AFF3: variants seen among roughly 807,000 people sequenced by gnomAD.
AFF3 encodes the protein AF4/FMR2 family member 3.
Under a neutral mutation model 129.7 loss-of-function variants are expected in AFF3, and 32 were observed. That is an observed-to-expected ratio of 0.25 (90% CI 0.19 to 0.33). The LOEUF (loss-of-function observed/expected upper bound fraction) is 0.33. Among genes scored for constraint, AFF3 ranks in the 10% least tolerant of loss-of-function variants. AFF3 has a pLI of 1.00. For synonymous variants in AFF3, 644 were observed against 635.4 expected, an observed-to-expected ratio of 1.01 and a Z score of -0.20; for missense variants, 1,373 against 1,592.0, an observed-to-expected ratio of 0.86 and a Z score of 2.34.
At chr2:100,095,967 A>G (rs1398290299) in intron 4 of AFF3, among the ~76,000 whole-genome samples, 6 of 152,150 alleles carry the variant, frequency 3.9e-5, no homozygotes, top group African/African-American at 1.4e-4. Context: ...TATGGGTTCC[A>G]CGTAGAGTCT....
At position 100,051,094 on chromosome 2, in the gene AFF3, T is replaced by C. The variant is rs374240900; in HGVS notation, c.54-42162A>G. 3.0e-4 allele frequency among the ~76,000 whole-genome samples: 45 copies of C among 152,268 alleles called. No homozygotes were observed. In the East Asian group the frequency reaches 8.3e-3, roughly 28 times the overall value. On this transcript the variant is annotated intron_variant, in intron 4 of 24. Transcript: ENST00000672756. Reference sequence around the variant, plus strand: ...GAAGTTATTTACAAGAGTCCTGATTTCTCCCCACGGCAAAGCCCATTTCTT... The same window carrying C: ...GAAGTTATTTACAAGAGTCCTGATTCCTCCCCACGGCAAAGCCCATTTCTT...
At chr2:99,970,774 C>G (rs1678285637) in intron 7 of AFF3, among the ~76,000 whole-genome samples, 1 of 152,178 alleles carries the variant, frequency 6.6e-6, no homozygotes, top group African/African-American at 2.4e-5. Flanking sequence ...TTCTCTATGT[C>G]TCCTTCCTGA....
chr2:99,643,772 C>T (rs933937960), intron 13 of AFF3, among the ~76,000 whole-genome samples: 3 of 152,212 alleles, frequency 2.0e-5, no homozygotes, highest in East Asian at 1.9e-4. Flanking sequence ...TCTGATCTGG[C>T]TTCTGGACAC....
At chr2:99,805,084 T>C (rs1686234435) in intron 8 of AFF3, among the ~76,000 whole-genome samples, 1 of 152,170 alleles carries the variant, frequency 6.6e-6, no homozygotes, top group African/African-American at 2.4e-5. Flanking sequence ...GCTATTAAAA[T>C]AAAATATATG....
rs1192143149 is a variant in AFF3 at position 99,761,157 on chromosome 2, T to C, written c.922-8856A>G. Among the ~76,000 whole-genome samples, 5 of 151,936 alleles carry C rather than the reference T, an allele frequency of 3.3e-5. No individual in the cohort carries two copies. In the East Asian group the frequency reaches 7.7e-4, roughly 23 times the overall value. On this transcript the variant is annotated intron_variant, in intron 8 of 24. Coordinates refer to ENST00000672756, the MANE Select transcript of AFF3 (RefSeq NM_001386135.1). Reference sequence around the variant, plus strand: ...CCCTTCTCCCTACACAGATGTCTAGTTACTCAAGGGATACGTTCAGGTGAC... The same window carrying C: ...CCCTTCTCCCTACACAGATGTCTAGCTACTCAAGGGATACGTTCAGGTGAC...
At chr2:99,958,485 G>GA (rs551725293) in intron 7 of AFF3, among the ~76,000 whole-genome samples, 11,919 of 102,256 alleles carry the variant, frequency 0.12, 733 homozygotes, top group Non-Finnish European at 0.16. Context: ...ACTCTGTCTC[G>GA]AAAAAAAAAA....
intron 9 of AFF3, among the ~76,000 whole-genome samples, chr2:99,751,754 A>T (rs1037010539): frequency 6.6e-6 from 1 of 152,222 alleles, no homozygotes; most frequent in Non-Finnish European, 1.5e-5. Flanking sequence ...TCCTTAGAAA[A>T]TATAGATATC....
chr2:99,671,762 G>A (rs1687164655), intron 12 of AFF3, among the ~76,000 whole-genome samples: 1 of 152,018 alleles, frequency 6.6e-6, no homozygotes, highest in South Asian at 2.1e-4. Flanking sequence ...ATACAACATA[G>A]GGGATGAGAA....
chr2:99,955,402 C>T (rs1207270425), intron 7 of AFF3, among the ~76,000 whole-genome samples: 4 of 152,134 alleles, frequency 2.6e-5, no homozygotes, highest in African/African-American at 9.7e-5. Context: ...CTACTGTGAA[C>T]TCAAGATGTT....
intron 13 of AFF3, among the ~76,000 whole-genome samples, chr2:99,611,450 A>T (rs1680912253): frequency 1.3e-5 from 2 of 152,078 alleles, no homozygotes; most frequent in South Asian, 4.1e-4. Context: ...GCCTCCACTA[A>T]TGCGATGTTG....
chr2:99,887,116 G>C (rs1693169391), intron 7 of AFF3, among the ~76,000 whole-genome samples: 3 of 152,210 alleles, frequency 2.0e-5, no homozygotes, highest in South Asian at 4.1e-4. Context: ...CAGGTGTGCT[G>C]ATGGAAGACA....
At chr2:99,836,915 A>C (rs184761991) in intron 8 of AFF3, among the ~76,000 whole-genome samples, 1 of 152,328 alleles carries the variant, frequency 6.6e-6, no homozygotes, top group Admixed American at 6.5e-5. Context: ...GAACAGCCCA[A>C]CCTAAGTCAA....
At chr2:99,958,037 T>G (rs1676833261) in intron 7 of AFF3, among the ~76,000 whole-genome samples, 1 of 152,158 alleles carries the variant, frequency 6.6e-6, no homozygotes, top group Non-Finnish European at 1.5e-5. Context: ...TTGTGATGCA[T>G]CCTGCCCCAA....
At chr2:100,110,054 C>G (rs1320517920) in intron 2 of AFF3, 2 of 152,232 alleles carry the variant, frequency 1.3e-5, no homozygotes, top group African/African-American at 4.8e-5. Flanking sequence ...ATAACCGCAC[C>G]TGGAGTGAGG....
At chr2:100,048,789 C>A (rs1686044504) in intron 4 of AFF3, among the ~76,000 whole-genome samples, 2 of 152,160 alleles carry the variant, frequency 1.3e-5, no homozygotes, top group South Asian at 4.1e-4. Context: ...TGAGTATAAT[C>A]TTTAAAAATC....
intron 11 of AFF3, among the ~76,000 whole-genome samples, chr2:99,689,160 A>G (rs563988195): frequency 1.1e-3 from 166 of 152,118 alleles, no homozygotes; most frequent in African/African-American, 3.9e-3. Context: ...TGGCATAACT[A>G]ACTCCTCTCT....
intron 11 of AFF3, among the ~76,000 whole-genome samples, chr2:99,725,267 C>G (rs2104984653): frequency 6.6e-6 from 1 of 152,310 alleles, no homozygotes; most frequent in East Asian, 1.9e-4. Context: ...GCCACCGTGC[C>G]TGGCCAACTT....
At chr2:99,563,292 G>A (rs1406509986) in intron 20 of AFF3, among the ~76,000 whole-genome samples, 7 of 151,612 alleles carry the variant, frequency 4.6e-5, no homozygotes, top group African/African-American at 9.7e-5. Flanking sequence ...CCAGGTTCAC[G>A]CCATTCTCCT....
chr2:99,889,599 T>G (rs2106069993), intron 7 of AFF3, among the ~76,000 whole-genome samples: 1 of 152,152 alleles, frequency 6.6e-6, no homozygotes, highest in East Asian at 1.9e-4. Context: ...AAAAGCAAAA[T>G]TATGGGTTTG....
Sources: gnomAD v4.1 joint callset for allele counts (sites outside exome capture counted in the v4.1 genomes callset) on GRCh38, gnomAD v4.1.1 for gene constraint, MANE v1.5 for transcripts, NCBI Gene and HGNC (gene_info 2026-07-23, HGNC 2026-07-21) for gene names.